The following LARGE1 variants were observed in gnomAD, a reference collection of about 807,000 sequenced individuals.
LARGE1 encodes the protein LARGE xylosyl- and glucuronyltransferase 1.
Under a neutral mutation model 87.6 loss-of-function variants are expected in LARGE1, and 43 were observed. The ratio of observed to expected loss-of-function variants is 0.49; its 90% CI spans 0.38 to 0.63. LARGE1 has a LOEUF of 0.63. LARGE1 is among the 30% of genes least tolerant of loss of function. The probability of loss-of-function intolerance (pLI) is 0.00; values close to 1 mark genes in which losing one functional copy is unlikely to be tolerated. For synonymous variants in LARGE1, 434 were observed against 394.6 expected, an observed-to-expected ratio of 1.10 and a Z score of -1.18; for missense variants, 802 against 1,000.2, an observed-to-expected ratio of 0.80 and a Z score of 2.67.
rs1392053310 is a variant in LARGE1 at position 33,197,744 on chromosome 22, T to A, written c.1731-30912A>T. ...ATCTATATATTCAATGCACTCCCAA[T>A]CAAAAGCCCAAAAGGCTTTTCAGAG... On this transcript the variant is annotated intron_variant, in intron 11 of 11. Coordinates refer to the LARGE1 transcript ENST00000608642. Among the ~76,000 whole-genome samples the A allele has an allele frequency of 2.6e-5, 4 of 152,114 alleles. 1 individual carries two copies. The highest frequency in any genetic ancestry group is 5.9e-5 in the Non-Finnish European group (4 of 67,980).
intron 1 of LARGE1, among the ~76,000 whole-genome samples, chr22:33,893,006 C>T (rs1314082750): frequency 6.6e-6 from 1 of 152,172 alleles, no homozygotes; most frequent in Admixed American, 6.5e-5. Context: ...TTGAATCCAA[C>T]CTACAGTGGT....
intron 10 of LARGE1, among the ~76,000 whole-genome samples, chr22:33,326,617 G>T (rs1937266112): frequency 6.6e-6 from 1 of 152,150 alleles, no homozygotes; most frequent in African/African-American, 2.4e-5. Flanking sequence ...CAGTCCAGCT[G>T]GGATTTCACA....
At chr22:33,674,753 C>G (rs2081515344) in intron 2 of LARGE1, among the ~76,000 whole-genome samples, 1 of 152,168 alleles carries the variant, frequency 6.6e-6, no homozygotes, top group Admixed American at 6.5e-5. Flanking sequence ...CCCCTGAAAT[C>G]CCCAACACGC....
chr22:33,168,884 T>C (rs1922409891), intron 11 of LARGE1, among the ~76,000 whole-genome samples: 1 of 152,178 alleles, frequency 6.6e-6, no homozygotes, highest in Non-Finnish European at 1.5e-5. Flanking sequence ...TAATTCTGAG[T>C]TGGAGTAGTG....
At chr22:33,090,470 C>T in the LARGE1 span, among the ~76,000 whole-genome samples, 7 of 151,988 alleles carry the variant, frequency 4.6e-5, no homozygotes, top group Admixed American at 1.3e-4. Context: ...TGGAGGAGGT[C>T]GCAAGATAAC....
At chr22:33,186,179 A>G (rs1348925566) in intron 11 of LARGE1, among the ~76,000 whole-genome samples, 2 of 152,210 alleles carry the variant, frequency 1.3e-5, no homozygotes, top group African/African-American at 4.8e-5. Flanking sequence ...TTATAATGCC[A>G]GAATAATACT....
At chr22:33,205,015 G>A (rs2146218404) in intron 11 of LARGE1, among the ~76,000 whole-genome samples, 1 of 149,090 alleles carries the variant, frequency 6.7e-6, no homozygotes, top group Non-Finnish European at 1.5e-5. Context: ...GAATGGACAA[G>A]CATGGAGGAC....
chr22:33,669,877 T>C (rs1347426363), intron 2 of LARGE1, among the ~76,000 whole-genome samples: 2 of 152,240 alleles, frequency 1.3e-5, no homozygotes, highest in African/African-American at 4.8e-5. Context: ...GGTCAATGTC[T>C]CACAACATGA....
chr22:33,556,206 T>C (rs2077671176), intron 6 of LARGE1, among the ~76,000 whole-genome samples: 2 of 151,932 alleles, frequency 1.3e-5, no homozygotes, highest in Non-Finnish European at 2.9e-5. Flanking sequence ...TGTTCAGATG[T>C]ATCTAGAATC....
chr22:33,270,029 G>A (rs993115580), downstream of LARGE1, among the ~76,000 whole-genome samples: 5 of 149,620 alleles, frequency 3.3e-5, no homozygotes, highest in African/African-American at 9.8e-5. Context: ...AAGACTATAC[G>A]AATGTGTTAC....
rs1235663634 is a variant in LARGE1, at chr22:33,198,005, AAG to A, written c.1731-31175_1731-31174del. On this transcript the variant is annotated intron_variant, in intron 11 of 11. Transcript: ENST00000608642. ...CTTCAACAAAAGGCTGTGCAACAAA[AAG>A]AGAAAATTTTTATATCTATATAAAA... Among the ~76,000 whole-genome samples the A allele has an allele frequency of 5.9e-5, 9 of 152,218 alleles. No individual in the cohort carries two copies. The East Asian group carries it at 1.7e-3, about 29-fold the overall frequency.
intron 12 of LARGE1, among the ~76,000 whole-genome samples, chr22:33,300,526 C>T (rs1217236831): frequency 1.3e-5 from 2 of 152,188 alleles, no homozygotes; most frequent in Admixed American, 6.5e-5. Flanking sequence ...CAGGCATGTT[C>T]CACAATGCTC....
At chr22:33,550,550 A>C (rs984323317) in intron 6 of LARGE1, among the ~76,000 whole-genome samples, 1 of 152,186 alleles carries the variant, frequency 6.6e-6, no homozygotes, top group African/African-American at 2.4e-5. Flanking sequence ...TAAAGACAAA[A>C]AATAACAGAC....
intron 7 of LARGE1, among the ~76,000 whole-genome samples, chr22:33,386,144 G>C (rs924413506): frequency 6.7e-6 from 1 of 148,786 alleles, no homozygotes; most frequent in African/African-American, 2.4e-5. Context: ...TGCTTTGTTA[G>C]GGTTTTTGCA....
At chr22:33,860,165 A>T (rs976298352) in intron 1 of LARGE1, among the ~76,000 whole-genome samples, 27 of 152,114 alleles carry the variant, frequency 1.8e-4, no homozygotes, top group South Asian at 6.2e-4. Flanking sequence ...TTAAAAAAAA[A>T]TTTTTTTGTA....
chr22:33,776,401 C>G lies in LARGE1; in HGVS notation c.-82-14843G>C, dbSNP rs1002186478. Among the ~76,000 whole-genome samples, 4 of 152,170 alleles carry G rather than the reference C, an allele frequency of 2.6e-5. No individual in the cohort carries two copies. The South Asian group carries it at 8.3e-4, about 32-fold the overall frequency. ...AAAATTTTCCACTTACAATATTAAC[C>G]TCTTTCAACAATGCATTGCCAAAGA... On this transcript the variant is annotated intron_variant, in intron 1 of 14. Transcript: ENST00000397394.
At chr22:33,547,713 G>T (rs1472711735) in intron 6 of LARGE1, among the ~76,000 whole-genome samples, 2 of 135,952 alleles carry the variant, frequency 1.5e-5, no homozygotes, top group South Asian at 2.5e-4. Context: ...AGAATTGCTT[G>T]AATCCGGGAG....
intron 10 of LARGE1, among the ~76,000 whole-genome samples, chr22:33,320,280 G>A (rs969033527): frequency 1.4e-4 from 22 of 151,850 alleles, no homozygotes; most frequent in East Asian, 3.9e-4. Context: ...ACTTTGTTCC[G>A]TGCCATGCTC....
At chr22:33,700,112 A>C (rs995543699) in intron 2 of LARGE1, among the ~76,000 whole-genome samples, 1 of 152,136 alleles carries the variant, frequency 6.6e-6, no homozygotes, top group Non-Finnish European at 1.5e-5. Flanking sequence ...AAAGGCAACA[A>C]ATCTACGTAT....
Sources: gnomAD v4.1 joint callset for allele counts (sites outside exome capture counted in the v4.1 genomes callset) on GRCh38, gnomAD v4.1.1 for gene constraint, MANE v1.5 for transcripts, NCBI Gene and HGNC (gene_info 2026-07-23, HGNC 2026-07-21) for gene names.